COP1: variants seen among roughly 807,000 people sequenced by gnomAD.
The protein encoded by COP1 is COP1 E3 ubiquitin ligase.
Under a neutral mutation model 101.3 loss-of-function variants are expected in COP1, and 24 were observed. The observed-to-expected ratio is 0.24, with a 90% CI of 0.17 to 0.33. The LOEUF (loss-of-function observed/expected upper bound fraction) is 0.33. Among genes scored for constraint, COP1 ranks in the 10% least tolerant of loss-of-function variants. The pLI, the probability that COP1 is intolerant of heterozygous loss-of-function variation, is 1.00. For missense variants in COP1, 663 were observed against 906.2 expected (o/e 0.73, Z 3.45); for synonymous variants, 347 against 341.9 (o/e 1.01, Z -0.17).
At chr1:176,132,208 T>C (rs1372792809) in intron 8 of COP1, among the ~76,000 whole-genome samples, 1 of 149,836 alleles carries the variant, frequency 6.7e-6, no homozygotes, top group Non-Finnish European at 1.5e-5. Flanking sequence ...GGGATCCAAG[T>C]AAACATTTTA....
chr1:176,184,882 A>AT (rs1698254600), intron 1 of COP1, among the ~76,000 whole-genome samples, 190 bp from the exon 2 acceptor site: 1 of 152,168 alleles, frequency 6.6e-6, no homozygotes, highest in East Asian at 1.9e-4. Context: ...TAAAATGATG[A>AT]TTTGTTCAGG....
chr1:176,074,769 A>G (rs180873548), intron 11 of COP1, among the ~76,000 whole-genome samples: 1 of 151,586 alleles, frequency 6.6e-6, no homozygotes, highest in East Asian at 1.9e-4. Context: ...CCCAAAATCA[A>G]GCTAAAATGG....
intron 10 of COP1, among the ~76,000 whole-genome samples, chr1:176,084,649 A>G (rs551685492): frequency 6.6e-6 from 1 of 152,294 alleles, no homozygotes; most frequent in South Asian, 2.1e-4. Context: ...GTTAATTTCA[A>G]ACAAACAAAC....
chr1:176,053,086 C>T (rs1056140510), intron 11 of COP1, among the ~76,000 whole-genome samples: 1 of 152,082 alleles, frequency 6.6e-6, no homozygotes, highest in Non-Finnish European at 1.5e-5. Context: ...ATATGAAGTG[C>T]TAGGTCAAAA....
intron 9 of COP1, among the ~76,000 whole-genome samples, chr1:176,095,194 C>T (rs968211065): frequency 3.9e-5 from 6 of 152,082 alleles, no homozygotes; most frequent in African/African-American, 1.4e-4. Context: ...AATAATAAAA[C>T]AAATTAACTA....
chr1:176,140,874 G>C (rs1690570074), intron 6 of COP1, among the ~76,000 whole-genome samples: 1 of 152,048 alleles, frequency 6.6e-6, no homozygotes, highest in Non-Finnish European at 1.5e-5. Context: ...TGAGGGCATG[G>C]GACTAAAGAA....
Position 176,143,145 on chromosome 1 carries a change from A to AG in COP1, c.831+5860_831+5861insC, listed in dbSNP as rs1368394853. 6.0e-3 allele frequency among the ~76,000 whole-genome samples: 909 copies of AG among 150,336 alleles called. 8 individuals carry two copies. Among genetic ancestry groups the AG allele is most frequent in the African/African-American group, 0.021 (839 of 40,184 alleles). On this transcript the variant is annotated intron_variant, in intron 6 of 19. Transcript: ENST00000367669. ...AAGCGAGAGAGAGAGAGAGCGAGAG[A>AG]AAGAGAGAGAGAGAGAGAGGAACAA...
chr1:176,157,956 A>C (rs1015013028), intron 5 of COP1, among the ~76,000 whole-genome samples: 2 of 152,192 alleles, frequency 1.3e-5, no homozygotes, highest in Non-Finnish European at 2.9e-5. Context: ...AGAGATATGT[A>C]ACTGGAATTC....
Position 176,025,322 on chromosome 1 carries a change from C to T in COP1, c.1729+2250G>A, listed in dbSNP as rs141528326. On this transcript the variant is annotated intron_variant, in intron 15 of 19. Coordinates refer to ENST00000367669, the MANE Select transcript of COP1 (RefSeq NM_022457.7). ...CATTGGAAAAGAAGAAATGCAATTA[C>T]TGCTTTGGGCAGATATCAAGTATAA... Among the ~76,000 whole-genome samples, 398 of 152,150 alleles carry T rather than the reference C, an allele frequency of 2.6e-3. 3 individuals are homozygous for T. Among genetic ancestry groups the T allele is most frequent in the African/African-American group, 9.1e-3 (380 of 41,552 alleles).
At chr1:176,158,630 C>CTTTTTTTTTTTTTTTTTTTTT (rs35518162) in intron 5 of COP1, among the ~76,000 whole-genome samples, 1 of 79,312 alleles carries the variant, frequency 1.3e-5, no homozygotes, top group Non-Finnish European at 2.2e-5. Context: ...TTTTAAGGTT[C>CTTTTTTTTTTTTTTTTTTTTT]TTTTTTTTTT....
At chr1:175,993,683 A>G (rs1043636829) in intron 15 of COP1, among the ~76,000 whole-genome samples, 1 of 152,166 alleles carries the variant, frequency 6.6e-6, no homozygotes, top group Non-Finnish European at 1.5e-5. Flanking sequence ...GCGAGAAGGG[A>G]AGTTTAGAGA....
At chr1:176,039,193 A>G (rs545835617) in intron 14 of COP1, among the ~76,000 whole-genome samples, 1 of 152,350 alleles carries the variant, frequency 6.6e-6, no homozygotes, top group South Asian at 2.1e-4. Context: ...AAAATTCCCA[A>G]ATAATTCTAA....
At chr1:176,134,435 C>T (rs1345348860) in intron 8 of COP1, among the ~76,000 whole-genome samples, 1 of 151,976 alleles carries the variant, frequency 6.6e-6, no homozygotes, top group Non-Finnish European at 1.5e-5. Flanking sequence ...ATACCTACTA[C>T]TAAATGAAAC....
chr1:175,974,365 T>C, intron 18 of COP1, among the ~76,000 whole-genome samples: 1 of 152,230 alleles, frequency 6.6e-6, no homozygotes, highest in Non-Finnish European at 1.5e-5. Flanking sequence ...CTTAAAATTT[T>C]AGAAATTTAA....
intron 9 of COP1, among the ~76,000 whole-genome samples, chr1:176,089,965 C>A (rs1399537593): frequency 6.6e-6 from 1 of 152,150 alleles, no homozygotes; most frequent in Non-Finnish European, 1.5e-5. Context: ...CCCTCCCAAT[C>A]CTGAAGAGAT....
chr1:176,083,730 C>A (rs1192409454), intron 10 of COP1, among the ~76,000 whole-genome samples: 3 of 152,082 alleles, frequency 2.0e-5, no homozygotes, highest in Non-Finnish European at 4.4e-5. Context: ...TTTACAGATT[C>A]TCATTTGAAA....
chr1:175,982,544 G>C (rs538805362), intron 18 of COP1, among the ~76,000 whole-genome samples: 3 of 151,972 alleles, frequency 2.0e-5, no homozygotes, highest in African/African-American at 7.3e-5. Flanking sequence ...ATTTTCTTTT[G>C]TCTAGCTTAT....
intron 18 of COP1, among the ~76,000 whole-genome samples, chr1:175,967,547 G>A (rs565026569): frequency 9.1e-4 from 138 of 152,270 alleles, no homozygotes; most frequent in African/African-American, 3.2e-3. Context: ...GCTGTAAGTT[G>A]TAGAAGTTAG....
chr1:176,035,821 T>C (rs1053576655), intron 14 of COP1, among the ~76,000 whole-genome samples: 3 of 151,902 alleles, frequency 2.0e-5, no homozygotes, highest in African/African-American at 4.8e-5. Context: ...TATAGTACAG[T>C]TTCTTTTCAA....
Sources: allele counts gnomAD v4.1 joint callset (sites outside exome capture counted in the v4.1 genomes callset), GRCh38; gene constraint gnomAD v4.1.1; transcripts MANE v1.5; gene names NCBI Gene and HGNC (gene_info 2026-07-23, HGNC 2026-07-21).